FAM13A: variants seen among roughly 807,000 people sequenced by gnomAD.
The protein encoded by FAM13A is protein FAM13A.
FAM13A carries 76 observed loss-of-function variants against 129.6 expected under a neutral mutation model. The ratio of observed to expected loss-of-function variants is 0.59; its 90% confidence interval spans 0.49 to 0.71. The LOEUF (loss-of-function observed/expected upper bound fraction) is 0.71. Ranked by LOEUF, FAM13A falls within the 30% of genes least tolerant of loss-of-function variation. The pLI is 0.00. For synonymous variants in FAM13A, 443 were observed against 449.9 expected, an observed-to-expected ratio of 0.98 and a Z score of 0.20; for missense variants, 1,108 against 1,249.3, an observed-to-expected ratio of 0.89 and a Z score of 1.70.
intron 7 of FAM13A, among the ~76,000 whole-genome samples, chr4:88,833,323 G>A (rs1044023581): frequency 2.6e-5 from 4 of 151,944 alleles, no homozygotes; most frequent in African/African-American, 7.3e-5. Context: ...CATGGCATAC[G>A]TTTACCTATA....
intron 5 of FAM13A, among the ~76,000 whole-genome samples, chr4:88,924,807 T>A (rs1251152199): frequency 4.2e-4 from 63 of 151,260 alleles, no homozygotes; most frequent in Non-Finnish European, 7.7e-4. Context: ...CCTACTCATC[T>A]GACAAAGGGC....
Position 88,750,000 on chromosome 4 carries a change from C to T in FAM13A, c.1941-91G>A, listed in dbSNP as rs78354551. On this transcript the variant is annotated intron_variant, in intron 15 of 23. Transcript: ENST00000264344. ...GGGAAGTGGGACACCATGTGGCATG[C>T]GGTGGTGGGGTGGGGGCAGTGCGGA... 3,446 of 1,412,412 alleles carry T rather than the reference C, an allele frequency of 2.4e-3. 90 individuals carry two copies. The East Asian group carries it at 0.054, about 22-fold the overall frequency. 87.5% of individuals were successfully genotyped at this position (1,412,412 alleles called of 1,614,324 possible). A position where few individuals can be genotyped will look rare whatever the true frequency, so the allele number is the denominator to read the frequency against.
At chr4:88,812,262 C>T (rs115759721) in intron 7 of FAM13A, among the ~76,000 whole-genome samples, 1 of 152,128 alleles carries the variant, frequency 6.6e-6, no homozygotes, top group East Asian at 1.9e-4. Context: ...CCAAATTGTA[C>T]GGATTATGTC....
chr4:88,997,823 C>G (rs1763761278), intron 3 of FAM13A, among the ~76,000 whole-genome samples: 1 of 152,142 alleles, frequency 6.6e-6, no homozygotes, highest in Admixed American at 6.6e-5. Context: ...AATACTTAGC[C>G]TCATGGTGCC....
At chr4:88,956,347 T>G (rs570365655) in intron 4 of FAM13A, among the ~76,000 whole-genome samples, 1 of 152,332 alleles carries the variant, frequency 6.6e-6, no homozygotes, top group East Asian at 1.9e-4. Context: ...ATGCTGCACA[T>G]GTTTGCAGAC....
chr4:88,895,467 TCAGAGTGAA>T, intron 6 of FAM13A, among the ~76,000 whole-genome samples: 1 of 149,992 alleles, frequency 6.7e-6, no homozygotes, highest in Non-Finnish European at 1.5e-5. Flanking sequence ...GAAACTACCA[TCAGAGTGAA>T]CAGGCAACCT....
chr4:88,992,211 G>C (rs781350795), intron 3 of FAM13A, among the ~76,000 whole-genome samples: 1 of 151,950 alleles, frequency 6.6e-6, no homozygotes, highest in Non-Finnish European at 1.5e-5. Flanking sequence ...TAATAGTCCT[G>C]AATAAAGATT....
At chr4:88,872,963 T>C (rs1263965094) in intron 6 of FAM13A, among the ~76,000 whole-genome samples, 5 of 152,074 alleles carry the variant, frequency 3.3e-5, no homozygotes. Flanking sequence ...TGCAATCAAA[T>C]TAGAACTCAG....
intron 8 of FAM13A, among the ~76,000 whole-genome samples, chr4:88,800,847 C>T (rs1353643645): frequency 1.3e-5 from 2 of 152,012 alleles, no homozygotes; most frequent in Non-Finnish European, 1.5e-5. Context: ...AAATAAACAG[C>T]TTGCTTGTTT....
chr4:88,839,983 C>T (rs1735544502), intron 7 of FAM13A, among the ~76,000 whole-genome samples: 1 of 152,148 alleles, frequency 6.6e-6, no homozygotes, highest in Non-Finnish European at 1.5e-5. Flanking sequence ...TGAATGAAAG[C>T]ACCCAGGAAT....
chr4:88,940,403 C>T (rs571794311), intron 4 of FAM13A, among the ~76,000 whole-genome samples: 3 of 152,244 alleles, frequency 2.0e-5, no homozygotes, highest in African/African-American at 7.2e-5. Flanking sequence ...TAAGCAATAG[C>T]CTTAGCTATA....
chr4:88,948,605 C>T (rs527542483), intron 4 of FAM13A, among the ~76,000 whole-genome samples: 186 of 152,162 alleles, frequency 1.2e-3, no homozygotes, highest in African/African-American at 4.2e-3. Flanking sequence ...TCTCCCGCCT[C>T]GGCTTCCTGA....
chr4:89,021,872 G>GA (rs33967932), intron 2 of FAM13A, among the ~76,000 whole-genome samples: 26 of 150,478 alleles, frequency 1.7e-4, no homozygotes, highest in East Asian at 5.9e-4. Flanking sequence ...AGGAATACAG[G>GA]AAAAAAAAAA....
chr4:88,961,470 C>T (rs899262490), intron 4 of FAM13A, among the ~76,000 whole-genome samples: 6 of 144,110 alleles, frequency 4.2e-5, no homozygotes, highest in African/African-American at 1.5e-4. Flanking sequence ...TGGGTTCAAG[C>T]AATTCTCCTA....
intron 11 of FAM13A, among the ~76,000 whole-genome samples, chr4:88,780,917 A>G (rs1461343491): frequency 6.6e-6 from 1 of 152,174 alleles, no homozygotes; most frequent in African/African-American, 2.4e-5. Flanking sequence ...GCTTGAAAAA[A>G]AAGAGAAAAA....
In FAM13A at chr4:88,906,404, A is replaced by C. The variant is rs760009256; in HGVS notation, c.818T>G (p.Met273Arg). Reference sequence around the variant, plus strand: ...CTTGGTTTTTGGAGGTGGTTTTGGCATGTCTCTTTCTAAGCCTCTTGTTAA... The same window carrying C: ...CTTGGTTTTTGGAGGTGGTTTTGGCCTGTCTCTTTCTAAGCCTCTTGTTAA... ...ILLTRGLERDMPKPPPKTKIP... is the reference protein window; with the variant it reads ...ILLTRGLERDRPKPPPKTKIP... Residue 273 changes from methionine to arginine, a missense_variant, in exon 6 of 24, where the codon ATG (methionine) becomes AGG (arginine). Around this residue, in one of 3 missense-constraint regions of FAM13A, gnomAD observed 566 missense variants for 595.7 expected, o/e 0.95. Coordinates refer to ENST00000264344, the MANE Select transcript of FAM13A (RefSeq NM_014883.4). The C allele has an allele frequency of 3.7e-6, 6 of 1,612,130 alleles. No homozygotes were observed. In the South Asian group the frequency reaches 6.6e-5, roughly 18 times the overall value.
chr4:88,884,531 A>G (rs768359955), intron 6 of FAM13A, among the ~76,000 whole-genome samples: 1 of 152,182 alleles, frequency 6.6e-6, no homozygotes, highest in Non-Finnish European at 1.5e-5. Flanking sequence ...GGACAAACCC[A>G]CAGCCAACAT....
intron 16 of FAM13A, 124 bp downstream of exon 16, chr4:88,749,647 G>T: frequency 2.1e-6 from 2 of 933,946 alleles, no homozygotes; most frequent in Non-Finnish European, 3.2e-6. Context: ...AGGGTTTACT[G>T]CCTTTTTGTT....
At chr4:88,944,879 G>A (rs1229850168) in intron 4 of FAM13A, among the ~76,000 whole-genome samples, 2 of 150,618 alleles carry the variant, frequency 1.3e-5, no homozygotes, top group African/African-American at 4.9e-5. Flanking sequence ...CTCCAGCCTC[G>A]GCAACAAGAG....
Sources: allele counts gnomAD v4.1 joint callset (sites outside exome capture counted in the v4.1 genomes callset), GRCh38; gene constraint gnomAD v4.1.1; regional missense constraint gnomAD v4.1.1; transcripts MANE v1.5; gene names NCBI Gene and HGNC (gene_info 2026-07-23, HGNC 2026-07-21).